Variants in KCNQ1 observed in about 807,000 individuals in gnomAD.
KCNQ1 encodes potassium voltage-gated channel subfamily Q member 1.
A neutral mutation model predicts 72.4 loss-of-function variants in KCNQ1; 49 were observed. That is an observed-to-expected ratio of 0.68 (90% CI 0.54 to 0.86). The LOEUF is 0.86. KCNQ1 is among the 40% of genes least tolerant of loss of function. KCNQ1 has a pLI of 0.00. For synonymous variants in KCNQ1, 450 were observed against 412.6 expected (o/e 1.09, Z -1.10); for missense variants, 790 against 945.1 (o/e 0.84, Z 2.15).
intron 15 of KCNQ1, among the ~76,000 whole-genome samples, chr11:2,820,083 A>C (rs1054135506): frequency 6.6e-6 from 1 of 152,094 alleles, no homozygotes; most frequent in Non-Finnish European, 1.5e-5. Flanking sequence ...CTATTTTGCT[A>C]ATATCTTCCT....
chr11:2,730,597 G>A lies in KCNQ1; in HGVS notation c.1515-38247G>A, dbSNP rs1388090428. 2.6e-5 allele frequency among the ~76,000 whole-genome samples: 4 copies of A among 152,192 alleles called. No homozygotes were observed. In the East Asian group the frequency reaches 7.7e-4, roughly 29 times the overall value. ...GGGTCTGGCAGAGACAGACTGCAGGGGGCCTGGGAGGCCCCAGGAGGCAGG... is the reference window on the plus strand; with the variant it reads ...GGGTCTGGCAGAGACAGACTGCAGGAGGCCTGGGAGGCCCCAGGAGGCAGG... On this transcript the variant is annotated intron_variant, in intron 11 of 15. Transcript: ENST00000155840.
intron 10 of KCNQ1, among the ~76,000 whole-genome samples, chr11:2,591,928 C>G (rs980330868): frequency 6.6e-5 from 10 of 152,242 alleles, no homozygotes; most frequent in African/African-American, 2.4e-4. Flanking sequence ...CTTGGAGAGC[C>G]CTGGCTTGGG....
chr11:2,534,847 G>A (rs1429192327), intron 2 of KCNQ1, among the ~76,000 whole-genome samples: 1 of 152,268 alleles, frequency 6.6e-6, no homozygotes, highest in Non-Finnish European at 1.5e-5. Flanking sequence ...CACCTACTGT[G>A]TGCCAGGATC....
At chr11:2,835,829 G>T (rs461966) in intron 15 of KCNQ1, among the ~76,000 whole-genome samples, 1 of 152,206 alleles carries the variant, frequency 6.6e-6, no homozygotes, top group Admixed American at 6.5e-5. Flanking sequence ...AGCGGGCTCA[G>T]CCTGCAGTGT....
At chr11:2,777,838 T>A in intron 14 of KCNQ1, 138 bp from the exon 15 acceptor site, 1 of 731,750 alleles carries the variant, frequency 1.4e-6, no homozygotes, top group East Asian at 2.6e-5. Flanking sequence ...GCATGCTTTT[T>A]AAAAATGTCC....
chr11:2,461,803 T>C (rs1272565884), intron 1 of KCNQ1: 2 of 1,124,406 alleles, frequency 1.8e-6, no homozygotes, highest in Middle Eastern at 2.3e-4. Context: ...GGGTGGCGGG[T>C]AGATGGGTGG....
intron 10 of KCNQ1, chr11:2,636,418 C>A (rs1450444901): frequency 2.0e-5 from 3 of 152,006 alleles, no homozygotes; most frequent in Non-Finnish European, 4.4e-5. Context: ...TTGTCAAAGG[C>A]CTTTTCTGCA....
At chr11:2,460,245 C>G (rs899345487) in intron 1 of KCNQ1, among the ~76,000 whole-genome samples, 4 of 152,124 alleles carry the variant, frequency 2.6e-5, no homozygotes, top group African/African-American at 9.6e-5. Flanking sequence ...GTGGGCAGGC[C>G]GGGCAGGGTG....
Position 2,654,905 on chromosome 11 carries a change from C to A in KCNQ1, c.1394-7056C>A. On this transcript the variant is annotated intron_variant, in intron 10 of 15. Coordinates refer to ENST00000155840, the MANE Select transcript of KCNQ1 (RefSeq NM_000218.3). The surrounding 1 kb of genome is among the most constrained non-coding windows in gnomAD (Gnocchi z 6.4). ...AACTCTAGGATAAGATGTGCAAGGT[C>A]GTGGGCCAGAGAGCAAGGCACAGAT... 1 of 398,466 alleles carries A rather than the reference C, an allele frequency of 2.5e-6. No homozygotes were observed. The highest frequency in any genetic ancestry group is 1.3e-4 in the South Asian group (1 of 7,816). 24.7% of individuals were successfully genotyped at this position (398,466 alleles called of 1,614,324 possible).
At chr11:2,730,769 G>A (rs1845845494) in intron 11 of KCNQ1, among the ~76,000 whole-genome samples, 1 of 152,236 alleles carries the variant, frequency 6.6e-6, no homozygotes, top group Non-Finnish European at 1.5e-5. Flanking sequence ...GGGAGACGCA[G>A]GGTTCTTCAG....
In KCNQ1 at chr11:2,612,633, C is replaced by G. The variant is rs1848999674; in HGVS notation, c.1393+23779C>G. 2.5e-6 allele frequency: 1 copy of G among 398,344 alleles called. No individual in the cohort carries two copies. Among genetic ancestry groups the G allele is most frequent in the South Asian group, 1.3e-4 (1 of 7,844 alleles). The allele number at this position is 398,344 out of a possible 1,614,324, so 24.7% of individuals were successfully genotyped here. A position where few individuals can be genotyped will look rare whatever the true frequency, so the allele number is the denominator to read the frequency against. On this transcript the variant is annotated intron_variant, in intron 10 of 15. Coordinates refer to ENST00000155840, the MANE Select transcript of KCNQ1 (RefSeq NM_000218.3). This position sits in a 1 kb window ranked among gnomAD's most constrained non-coding sequence, Gnocchi z 5.5. The stretch of plus-strand genomic sequence containing the variant: ...TATTGATATTATCTATTTGATGAGT[C>G]TTTGTCATCACACTTGCATTCTTTA...
At position 2,713,115 on chromosome 11, in the gene KCNQ1, T is replaced by G. The variant is rs566620150; in HGVS notation, c.1514+51034T>G. Among the ~76,000 whole-genome samples, 3 of 152,198 alleles carry G rather than the reference T, an allele frequency of 2.0e-5. No homozygotes were observed. The East Asian group carries it at 5.8e-4, about 29-fold the overall frequency. On this transcript the variant is annotated intron_variant, in intron 11 of 15. Coordinates refer to ENST00000155840, the MANE Select transcript of KCNQ1 (RefSeq NM_000218.3). The surrounding 1 kb of genome is among the most constrained non-coding windows in gnomAD (Gnocchi z 5.6). ...ATTTGGTATTTGGGGGATTTTACAT[T>G]AGGGTTAATGAGCCTCTGAAATGAG... is the stretch of plus-strand genomic sequence containing the variant.
At chr11:2,717,986 C>T (rs538754564) in intron 11 of KCNQ1, among the ~76,000 whole-genome samples, 22 of 152,338 alleles carry the variant, frequency 1.4e-4, no homozygotes, top group South Asian at 4.1e-4. Flanking sequence ...CTGAAGGCTG[C>T]GAAAGCTGCG....
Position 2,848,352 on chromosome 11 carries a change from T to G in KCNQ1, c.*349T>G, listed in dbSNP as rs1483794489. The G allele has an allele frequency of 1.8e-6, 1 of 548,576 alleles. No homozygotes were observed. The highest frequency in any genetic ancestry group is 3.5e-6 in the Non-Finnish European group (1 of 287,514). 34.0% of individuals were successfully genotyped at this position (548,576 alleles called of 1,614,324 possible). On this transcript the variant is annotated 3_prime_UTR_variant, in exon 16 of 16. Transcript: ENST00000155840. ...TGGCCAGGAAGTAGCACAGGCTGAG[T>G]GCAGGCCCACCCTGCTTGGCCCAGG...
In KCNQ1 at chr11:2,659,215, A is replaced by C; in HGVS notation, c.1394-2746A>C. On this transcript the variant is annotated intron_variant, in intron 10 of 15. Transcript: ENST00000155840. This position sits in a 1 kb window ranked among gnomAD's most constrained non-coding sequence, Gnocchi z 4.3. ...TCCACAATCCAGTATCATTCACAGA[A>C]GTTCCATACCCCTAAAAATACCCTG... is the stretch of plus-strand genomic sequence containing the variant. 2.5e-6 allele frequency: 1 copy of C among 398,652 alleles called. No individual in the cohort carries two copies. The highest frequency in any genetic ancestry group is 4.4e-6 in the Non-Finnish European group (1 of 226,066). The allele number at this position is 398,652 out of a possible 1,614,324, so 24.7% of individuals were successfully genotyped here.
At position 2,486,790 on chromosome 11, in the gene KCNQ1, C is replaced by T. The variant is rs976538349; in HGVS notation, c.387-41138C>T. Reference sequence around the variant, plus strand: ...TCCAGTCTCCTTTTAACAACCAGATCTTGCATGAACTCATTACCTAATCAT... The same window carrying T: ...TCCAGTCTCCTTTTAACAACCAGATTTTGCATGAACTCATTACCTAATCAT... On this transcript the variant is annotated intron_variant, in intron 1 of 15. Coordinates refer to ENST00000155840, the MANE Select transcript of KCNQ1 (RefSeq NM_000218.3). The surrounding 1 kb of genome is among the most constrained non-coding windows in gnomAD (Gnocchi z 5.0). 6.6e-6 allele frequency among the ~76,000 whole-genome samples: 1 copy of T among 152,116 alleles called. No individual in the cohort carries two copies. Among genetic ancestry groups the T allele is most frequent in the African/African-American group, 2.4e-5 (1 of 41,404 alleles).
Position 2,588,778 on chromosome 11 carries a change from A to G in KCNQ1, c.1317A>G (p.Thr439=), listed in dbSNP as rs1460224946. 1.9e-6 allele frequency: 3 copies of G among 1,613,738 alleles called. No homozygotes were observed. Among genetic ancestry groups the G allele is most frequent in the East Asian group, 2.2e-5 (1 of 44,876 alleles). ...TGACTCCTGGAGAGAAGATGCTCAC[A>G]GTCCCCCATATCACGTGCGACCCCC... is the stretch of plus-strand genomic sequence containing the variant. The part of the protein sequence containing the change: ...NGVTPGEKML[T]VPHITCDPPE... The change falls in exon 10 of 16, where the codon ACA becomes ACG. Residue 439 remains threonine (T), a synonymous_variant. Transcript: ENST00000155840. This position sits in a 1 kb window ranked among gnomAD's most constrained non-coding sequence, Gnocchi z 5.6.
In KCNQ1 at chr11:2,673,625, C is replaced by T. The variant is rs1850229604; in HGVS notation, c.1514+11544C>T. 2 of 398,766 alleles carry T rather than the reference C, an allele frequency of 5.0e-6. No individual in the cohort carries two copies. The highest frequency in any genetic ancestry group is 4.4e-6 in the Non-Finnish European group (1 of 226,144). 24.7% of individuals were successfully genotyped at this position (398,766 alleles called of 1,614,324 possible). A position where few individuals can be genotyped will look rare whatever the true frequency, so the allele number is the denominator to read the frequency against. On this transcript the variant is annotated intron_variant, in intron 11 of 15. Transcript: ENST00000155840. The surrounding 1 kb of genome is among the most constrained non-coding windows in gnomAD (Gnocchi z 4.5). ...AAACGTGACCAGCCTACCCACCTTG[C>T]TACTGCTGATGACCACCCTGACTCA...
intron 6 of KCNQ1, among the ~76,000 whole-genome samples, chr11:2,578,017 T>C (rs1848447878): frequency 6.6e-6 from 1 of 152,210 alleles, no homozygotes; most frequent in South Asian, 2.1e-4. Context: ...TGCATGTCTC[T>C]GAGCCCTGCA....
Sources: gnomAD v4.1 joint callset for allele counts (sites outside exome capture counted in the v4.1 genomes callset) on GRCh38, gnomAD v4.1.1 for gene constraint, Gnocchi (gnomAD v3.1) non-coding constraint, MANE v1.5 for transcripts, NCBI Gene and HGNC (gene_info 2026-07-23, HGNC 2026-07-21) for gene names.